BANK1: variants seen among roughly 807,000 people sequenced by gnomAD.
BANK1 encodes B-cell scaffold protein with ankyrin repeats.
BANK1 carries 95 observed loss-of-function variants against 94.5 expected under a neutral mutation model. The ratio of observed to expected loss-of-function variants is 1.00; its 90% CI spans 0.85 to 1.19. The LOEUF is 1.19. Ranked by LOEUF, BANK1 falls within the 50% of genes most tolerant of loss-of-function variation. BANK1 has a pLI of 0.00. For synonymous variants in BANK1, 334 were observed against 308.4 expected (o/e 1.08, Z -0.87); for missense variants, 987 against 932.2 (o/e 1.06, Z -0.77).
At chr4:102,000,334 A>AC (rs1388540818) in intron 7 of BANK1, among the ~76,000 whole-genome samples, 2 of 151,610 alleles carry the variant, frequency 1.3e-5, no homozygotes, top group Non-Finnish European at 2.9e-5. Context: ...AAAAAAAAAA[A>AC]AAAAAAAAAA....
At chr4:101,936,047 A>G (rs1723520264) in intron 7 of BANK1, among the ~76,000 whole-genome samples, 1 of 151,450 alleles carries the variant, frequency 6.6e-6, no homozygotes, top group African/African-American at 2.4e-5. Flanking sequence ...ACAAAGCAAA[A>G]TTGGACCACA....
intron 4 of BANK1, among the ~76,000 whole-genome samples, chr4:101,863,156 T>C (rs1466106829): frequency 6.6e-6 from 1 of 152,030 alleles, no homozygotes; most frequent in African/African-American, 2.4e-5. Context: ...CATCTTTTCC[T>C]CATCTCACTT....
intron 5 of BANK1, among the ~76,000 whole-genome samples, chr4:101,876,389 A>T (rs1728491877): frequency 6.6e-6 from 1 of 152,246 alleles, no homozygotes; most frequent in Admixed American, 6.5e-5. Flanking sequence ...AAGTAAGGGA[A>T]GAGAATAAGA....
chr4:102,013,563 T>C (rs953843566), intron 7 of BANK1, among the ~76,000 whole-genome samples: 1 of 152,060 alleles, frequency 6.6e-6, no homozygotes, highest in Non-Finnish European at 1.5e-5. Context: ...AATTTCCATT[T>C]ATAGCCCTCC....
chr4:101,800,572 T>C (rs1725326142), intron 1 of BANK1, among the ~76,000 whole-genome samples: 2 of 152,302 alleles, frequency 1.3e-5, no homozygotes, highest in South Asian at 4.1e-4. Flanking sequence ...TTGCATTTGC[T>C]TAGTAGTTAC....
At chr4:101,816,256 A>C (rs1292024443) in intron 1 of BANK1, among the ~76,000 whole-genome samples, 1 of 152,222 alleles carries the variant, frequency 6.6e-6, no homozygotes, top group Non-Finnish European at 1.5e-5. Flanking sequence ...ATGTCACAAA[A>C]GGCATAGGCT....
chr4:101,861,680 T>C (rs986611189), intron 3 of BANK1, among the ~76,000 whole-genome samples: 13 of 152,124 alleles, frequency 8.5e-5, no homozygotes, highest in Admixed American at 7.9e-4. Flanking sequence ...TATGTGTGTG[T>C]GTGTGTGTTT....
rs138916328 is a variant in BANK1 at position 101,970,605 on chromosome 4, C to T, written c.1207-50909C>T. ...AGATGAACATTCACTTTAGGAAAGT[C>T]GTGTTAGCCTGCACAGCTTGGCATG... On this transcript the variant is annotated intron_variant, in intron 7 of 16. Transcript: ENST00000322953. Among the ~76,000 whole-genome samples, 120 of 152,132 alleles carry T rather than the reference C, an allele frequency of 7.9e-4. 1 individual carries two copies. The highest frequency in any genetic ancestry group is 2.7e-3 in the African/African-American group (113 of 41,496).
intron 1 of BANK1, 25 bp downstream of exon 1, chr4:101,790,975 GC>G: frequency 6.8e-7 from 1 of 1,473,758 alleles, no homozygotes; most frequent in South Asian, 1.3e-5. Flanking sequence ...ATTCGGAGGG[GC>G]TTGACGCCGA....
intron 7 of BANK1, among the ~76,000 whole-genome samples, chr4:101,922,009 CGTGTGTGTGTGTGTGT>C (rs68027862): frequency 1.2e-3 from 156 of 129,446 alleles, no homozygotes; most frequent in African/African-American, 3.9e-3. Context: ...ACACTGGGCC[CGTGTGTGTGTGTGTGT>C]GTGTGTGTGT....
intron 7 of BANK1, among the ~76,000 whole-genome samples, chr4:102,013,275 C>A (rs1177232119): frequency 6.6e-6 from 1 of 152,096 alleles, no homozygotes; most frequent in East Asian, 1.9e-4. Flanking sequence ...TAGCCAACTT[C>A]TTTTTCCCTA....
chr4:101,983,895 C>T (rs1027012), intron 7 of BANK1, among the ~76,000 whole-genome samples: 55,426 of 151,676 alleles, frequency 0.37, 11,533 homozygotes, highest in South Asian at 0.53. Flanking sequence ...TTGGCAAGGG[C>T]ATAATAGCAA....
At chr4:101,820,036 G>C (rs1012529008) in intron 1 of BANK1, among the ~76,000 whole-genome samples, 2 of 152,204 alleles carry the variant, frequency 1.3e-5, no homozygotes, top group African/African-American at 2.4e-5. Context: ...TCATAGCAGG[G>C]AAATTCTGGC....
At chr4:102,070,846 A>C (rs1728733255) in intron 13 of BANK1, among the ~76,000 whole-genome samples, 2 of 152,216 alleles carry the variant, frequency 1.3e-5, no homozygotes, top group African/African-American at 4.8e-5. Context: ...AATGGTCTCT[A>C]TCCTAATTAA....
intron 7 of BANK1, among the ~76,000 whole-genome samples, chr4:101,974,822 T>C (rs1047485400): frequency 1.3e-5 from 2 of 149,798 alleles, no homozygotes; most frequent in Admixed American, 1.3e-4. Flanking sequence ...CTGGGCACGG[T>C]GGCAGGTGCC....
chr4:101,995,350 G>A (rs1163114465), intron 7 of BANK1, among the ~76,000 whole-genome samples: 2 of 152,150 alleles, frequency 1.3e-5, no homozygotes, highest in Admixed American at 1.3e-4. Flanking sequence ...TATCATTAAT[G>A]GGCATTTTGG....
chr4:101,814,712 C>T (rs1578332373), intron 1 of BANK1, among the ~76,000 whole-genome samples: 1 of 152,164 alleles, frequency 6.6e-6, no homozygotes, highest in African/African-American at 2.4e-5. Flanking sequence ...GGGCAAGTCT[C>T]TTAAACTTTC....
chr4:101,826,161 C>T (rs1726357333), intron 1 of BANK1, among the ~76,000 whole-genome samples: 2 of 152,062 alleles, frequency 1.3e-5, no homozygotes, highest in African/African-American at 4.8e-5. Context: ...GGAACCCAGA[C>T]TCCCAGTAAG....
intron 7 of BANK1, among the ~76,000 whole-genome samples, chr4:101,981,298 T>C (rs1725317747): frequency 6.6e-6 from 1 of 152,118 alleles, no homozygotes. Flanking sequence ...TTGAATTTGG[T>C]CAAATACCAT....
Sources: allele counts gnomAD v4.1 joint callset (sites outside exome capture counted in the v4.1 genomes callset), GRCh38; gene constraint gnomAD v4.1.1; transcripts MANE v1.5; gene names NCBI Gene and HGNC (gene_info 2026-07-23, HGNC 2026-07-21).